The following IGFBP7 variants were observed in gnomAD, a reference collection of about 807,000 sequenced individuals.
The protein encoded by IGFBP7 is insulin like growth factor binding protein 7.
Under a neutral mutation model 29.4 loss-of-function variants are expected in IGFBP7, and 31 were observed. That is an observed-to-expected ratio of 1.05 (90% CI 0.79 to 1.42). IGFBP7 has a LOEUF of 1.42. IGFBP7 is among the 40% of genes most tolerant of loss of function. IGFBP7 has a pLI of 0.00. For synonymous variants in IGFBP7, 172 were observed against 174.9 expected, an observed-to-expected ratio of 0.98 and a Z score of 0.13; for missense variants, 393 against 395.5, an observed-to-expected ratio of 0.99 and a Z score of 0.05.
At chr4:57,052,437 G>A (rs555175701) in intron 1 of IGFBP7, among the ~76,000 whole-genome samples, 1 of 152,204 alleles carries the variant, frequency 6.6e-6, no homozygotes, top group Non-Finnish European at 1.5e-5. Flanking sequence ...CCAGTGGGGA[G>A]ACCAGAAGTG....
intron 2 of IGFBP7, among the ~76,000 whole-genome samples, chr4:57,038,011 G>C (rs575407821): frequency 1.3e-5 from 2 of 152,188 alleles, no homozygotes; most frequent in Non-Finnish European, 2.9e-5. Context: ...ACTGATCGGG[G>C]TGAAATTTTA....
intron 1 of IGFBP7, among the ~76,000 whole-genome samples, chr4:57,057,397 C>T (rs1349654594): frequency 6.6e-6 from 1 of 152,186 alleles, no homozygotes; most frequent in Non-Finnish European, 1.5e-5. Context: ...TCACGTGAAC[C>T]TGGGGCTTAT....
At chr4:57,040,771 G>T in intron 2 of IGFBP7, 53 bp downstream of exon 2, 2 of 1,238,352 alleles carry the variant, frequency 1.6e-6, no homozygotes, top group Non-Finnish European at 2.4e-6. Flanking sequence ...TCCTTGTGCA[G>T]TGCAAGAGAA....
At chr4:57,061,956 C>G (rs1204120990) in intron 1 of IGFBP7, among the ~76,000 whole-genome samples, 11 of 152,154 alleles carry the variant, frequency 7.2e-5, no homozygotes, top group Admixed American at 7.2e-4. Context: ...AACCACAGCA[C>G]CTAGCCTCAC....
At chr4:57,053,509 A>G (rs774503061) in intron 1 of IGFBP7, among the ~76,000 whole-genome samples, 6 of 152,204 alleles carry the variant, frequency 3.9e-5, no homozygotes, top group African/African-American at 1.4e-4. Context: ...ACTTGAAACC[A>G]TGTTCAGGTG....
intron 1 of IGFBP7, among the ~76,000 whole-genome samples, chr4:57,050,697 A>G (rs552612800): frequency 1.4e-4 from 21 of 151,574 alleles, no homozygotes; most frequent in African/African-American, 4.6e-4. Flanking sequence ...GGCAAGTGCA[A>G]CCATGCCCGG....
intron 2 of IGFBP7, 26 bp from the exon 3 acceptor site, chr4:57,033,337 C>A (rs773235952): frequency 6.8e-7 from 1 of 1,474,950 alleles, no homozygotes; most frequent in Non-Finnish European, 9.5e-7. Context: ...GAGAGTAATA[C>A]TGAGTTTTGT....
chr4:57,057,090 C>T (rs563832710), intron 1 of IGFBP7, among the ~76,000 whole-genome samples: 141 of 152,120 alleles, frequency 9.3e-4, no homozygotes, highest in Non-Finnish European at 1.1e-3. Flanking sequence ...ACTGCAGCTT[C>T]GTCCTTTAGG....
At chr4:57,035,673 G>A (rs1475593999) in intron 2 of IGFBP7, among the ~76,000 whole-genome samples, 1 of 152,012 alleles carries the variant, frequency 6.6e-6, no homozygotes, top group Non-Finnish European at 1.5e-5. Flanking sequence ...ATTGGCCAGG[G>A]TGGTCTCGAA....
chr4:57,032,633 A>G (rs1239867457), intron 3 of IGFBP7, 81 bp from the exon 4 acceptor site: 1 of 1,137,448 alleles, frequency 8.8e-7, no homozygotes, highest in Non-Finnish European at 1.3e-6. Flanking sequence ...ATTATTTCAT[A>G]AATTTCCTAA....
chr4:57,070,346 T>G (rs1026933369), intron 1 of IGFBP7, among the ~76,000 whole-genome samples: 1 of 152,242 alleles, frequency 6.6e-6, no homozygotes. Context: ...GAGCTTTTTC[T>G]ACTTCCTCTA....
chr4:57,068,303 G>T (rs1200422031), intron 1 of IGFBP7, among the ~76,000 whole-genome samples: 1 of 145,690 alleles, frequency 6.9e-6, no homozygotes. Flanking sequence ...AAAAAAAAAA[G>T]TGAGTTTAAC....
At chr4:57,085,823 T>A (rs1345153901) in intron 1 of IGFBP7, among the ~76,000 whole-genome samples, 1 of 152,224 alleles carries the variant, frequency 6.6e-6, no homozygotes, top group African/African-American at 2.4e-5. Context: ...CATTTAGTGT[T>A]AAAAACAGTA....
At chr4:57,063,426 G>A (rs1388460530) in intron 1 of IGFBP7, among the ~76,000 whole-genome samples, 1 of 152,216 alleles carries the variant, frequency 6.6e-6, no homozygotes, top group East Asian at 1.9e-4. Flanking sequence ...GCCTGGCGTT[G>A]AGCAGGTAAT....
chr4:57,031,856 AATTT>A (rs758436883), intron 4 of IGFBP7, among the ~76,000 whole-genome samples: 4 of 152,166 alleles, frequency 2.6e-5, no homozygotes, highest in African/African-American at 4.8e-5. Context: ...GGTGACGGTA[AATTT>A]TGTTCTTTTG....
rs553447838 is a variant in IGFBP7, at chr4:57,071,015, T to G, written c.476-30082A>C. Among the ~76,000 whole-genome samples, 4 of 152,306 alleles carry G rather than the reference T, an allele frequency of 2.6e-5. No homozygotes were observed. The South Asian group carries it at 8.3e-4, about 32-fold the overall frequency. On this transcript the variant is annotated intron_variant, in intron 1 of 4. Transcript: ENST00000295666. ...ATTGCACACTACTTCATATTTCTTC[T>G]GCTCTGAACACACCTGGCCCTGCAA...
At chr4:57,103,037 C>T (rs1028603053) in intron 1 of IGFBP7, among the ~76,000 whole-genome samples, 1 of 152,072 alleles carries the variant, frequency 6.6e-6, no homozygotes, top group Non-Finnish European at 1.5e-5. Context: ...TGAGCAGTCA[C>T]CGAATAAGAA....
chr4:57,054,572 G>A (rs1314020522), intron 1 of IGFBP7, among the ~76,000 whole-genome samples: 1 of 150,058 alleles, frequency 6.7e-6, no homozygotes, highest in Non-Finnish European at 1.5e-5. Flanking sequence ...CTGGGAGGCG[G>A]AGGTTGCAGT....
At chr4:57,032,278 A>G in intron 4 of IGFBP7, 148 bp downstream of exon 4, 1 of 1,444,788 alleles carries the variant, frequency 6.9e-7, no homozygotes, top group South Asian at 1.5e-5. Context: ...CTCATGCTGT[A>G]CATTTTAATG....
Sources: gnomAD v4.1 joint callset for allele counts (sites outside exome capture counted in the v4.1 genomes callset) on GRCh38, gnomAD v4.1.1 for gene constraint, MANE v1.5 for transcripts, NCBI Gene and HGNC (gene_info 2026-07-23, HGNC 2026-07-21) for gene names.